The following HGD variants were observed in gnomAD, a reference collection of about 807,000 sequenced individuals.
HGD encodes homogentisate 1,2-dioxygenase.
In HGD, 61 loss-of-function variants were observed where a neutral mutation model predicts 60.8. The ratio of observed to expected loss-of-function variants is 1.00; its 90% CI spans 0.82 to 1.24. The LOEUF is 1.24. HGD is among the 50% of genes most tolerant of loss of function. HGD has a pLI of 0.00. For synonymous variants in HGD, 212 were observed against 187.7 expected, an observed-to-expected ratio of 1.13 and a Z score of -1.06; for missense variants, 542 against 547.1, an observed-to-expected ratio of 0.99 and a Z score of 0.09.
In HGD at chr3:120,679,661, G is replaced by A. The variant is rs1221809268; in HGVS notation, c.15+2436C>T. 3.3e-5 allele frequency among the ~76,000 whole-genome samples: 5 copies of A among 152,178 alleles called. No homozygotes were observed. The South Asian group carries it at 8.3e-4, about 25-fold the overall frequency. Reference sequence around the variant, plus strand: ...AGGCAAAGGGAGATTTGACTTATAAGAGGAGAAAATGTGACGTGATTACAA... The same window carrying A: ...AGGCAAAGGGAGATTTGACTTATAAAAGGAGAAAATGTGACGTGATTACAA... On this transcript the variant is annotated intron_variant, in intron 1 of 13. Coordinates refer to ENST00000283871, the MANE Select transcript of HGD (RefSeq NM_000187.4).
At chr3:120,681,622 A>C (rs1472285062) in intron 1 of HGD, among the ~76,000 whole-genome samples, 1 of 152,212 alleles carries the variant, frequency 6.6e-6, no homozygotes, top group Non-Finnish European at 1.5e-5. Flanking sequence ...TCAATTGCGT[A>C]TTACTAAAAA....
rs1336077463 is a variant in HGD at position 120,647,858 on chromosome 3, T to C, written c.469+19A>G. 8.8e-6 allele frequency: 14 copies of C among 1,599,686 alleles called. No individual in the cohort carries two copies. Among genetic ancestry groups the C allele is most frequent in the African/African-American group, 4.0e-5 (3 of 74,638 alleles). ...GGGGTCAATTAACAGTGAGGGGGTC[T>C]GAAGTCTTCAGAACTCACCAATCAA... On this transcript the variant is annotated intron_variant, in intron 7 of 13. Coordinates refer to ENST00000283871, the MANE Select transcript of HGD (RefSeq NM_000187.4).
intron 4 of HGD, among the ~76,000 whole-genome samples, chr3:120,655,546 A>G (rs1941470643): frequency 1.3e-5 from 2 of 152,228 alleles, no homozygotes. Flanking sequence ...GGTGGTTCTG[A>G]TAAACTCAGT....
At chr3:120,639,185 T>C (rs187187171) in intron 11 of HGD, among the ~76,000 whole-genome samples, 1 of 152,296 alleles carries the variant, frequency 6.6e-6, no homozygotes, top group East Asian at 1.9e-4. Context: ...GAGCATAGTA[T>C]CCAATAGGTA....
intron 4 of HGD, among the ~76,000 whole-genome samples, chr3:120,665,502 A>G (rs1707878475): frequency 6.6e-6 from 1 of 152,256 alleles, no homozygotes; most frequent in Non-Finnish European, 1.5e-5. Flanking sequence ...AGACTTCAGA[A>G]ATTAGAGGCA....
At chr3:120,659,278 A>T (rs561616815) in intron 4 of HGD, among the ~76,000 whole-genome samples, 1 of 152,160 alleles carries the variant, frequency 6.6e-6, no homozygotes. Context: ...TTAAGTTCCA[A>T]CTTCAGGTCA....
chr3:120,663,050 C>T (rs1222059219), intron 4 of HGD, among the ~76,000 whole-genome samples: 1 of 152,076 alleles, frequency 6.6e-6, no homozygotes, highest in Admixed American at 6.6e-5. Flanking sequence ...AGCAACCCTG[C>T]CGATACCTCA....
chr3:120,632,903 T>C (rs1332117098), intron 13 of HGD, among the ~76,000 whole-genome samples: 4 of 152,182 alleles, frequency 2.6e-5, no homozygotes, highest in Admixed American at 1.3e-4. Flanking sequence ...AACTAAGAGA[T>C]GGGACTTAAA....
At position 120,657,348 on chromosome 3, in the gene HGD, G is replaced by A. The variant is rs1941528000; in HGVS notation, c.283-4697C>T. On this transcript the variant is annotated intron_variant, in intron 4 of 13. Transcript: ENST00000283871. ...CAAAATTCATGCTCAGAGATGAAAA[G>A]AAAATATTAGATAATTGGCCTAAAT... Among the ~76,000 whole-genome samples the A allele has an allele frequency of 2.0e-5, 3 of 152,284 alleles. No individual in the cohort carries two copies. In the South Asian group the frequency reaches 6.2e-4, roughly 32 times the overall value.
chr3:120,646,500 G>T, intron 8 of HGD, 134 bp from the exon 9 acceptor site: 1 of 679,168 alleles, frequency 1.5e-6, no homozygotes. Flanking sequence ...GAGGTGACCA[G>T]AGCAAACATG....
Position 120,630,798 on chromosome 3 carries a change from TTATATATA to T in HGD, c.1189-2277_1189-2270del, listed in dbSNP as rs61375071. 4.5e-3 allele frequency among the ~76,000 whole-genome samples: 394 copies of T among 88,004 alleles called. 6 individuals carry two copies. The highest frequency in any genetic ancestry group is 0.021 in the African/African-American group (338 of 16,062). The allele number at this position is 88,004 out of a possible 152,430, so 57.7% of individuals were successfully genotyped here. ...ATGGATCTAATTAAACTTAAGAGCT[TTATATATA>T]TATATATATATATATATATACACAT... On this transcript the variant is annotated intron_variant, in intron 13 of 13. Transcript: ENST00000283871.
intron 10 of HGD, 86 bp from the exon 11 acceptor site, chr3:120,641,779 CTCT>C: frequency 1.1e-6 from 1 of 872,202 alleles, no homozygotes; most frequent in East Asian, 2.4e-5. Flanking sequence ...GTATACCTCT[CTCT>C]TCTTTTGATT....
At chr3:120,663,268 A>T (rs1272362708) in intron 4 of HGD, among the ~76,000 whole-genome samples, 1 of 152,060 alleles carries the variant, frequency 6.6e-6, no homozygotes, top group Non-Finnish European at 1.5e-5. Flanking sequence ...CTCAGAGGGG[A>T]GATGATGACA....
chr3:120,633,607 C>T, intron 12 of HGD: 1 of 1,383,826 alleles, frequency 7.2e-7, no homozygotes, highest in Admixed American at 2.2e-5. Flanking sequence ...AAAATCAGGG[C>T]CCAGAGAAGA....
intron 2 of HGD, 102 bp downstream of exon 2, chr3:120,675,690 G>T: frequency 2.4e-6 from 2 of 841,766 alleles, no homozygotes; most frequent in Non-Finnish European, 2.1e-6. Context: ...CAGTTCACAG[G>T]CTAGATTGGA....
At chr3:120,657,019 C>A (rs2107528197) in intron 4 of HGD, among the ~76,000 whole-genome samples, 1 of 152,284 alleles carries the variant, frequency 6.6e-6, no homozygotes, top group East Asian at 1.9e-4. Flanking sequence ...TTCTGTAGAT[C>A]ACTTCTGTAT....
chr3:120,650,844 C>T lies in HGD; in HGVS notation c.364G>A (p.Ala122Thr). 1 of 1,613,962 alleles carries T rather than the reference C, an allele frequency of 6.2e-7. No homozygotes were observed. The highest frequency in any genetic ancestry group is 1.3e-5 in the African/African-American group (1 of 75,046). Residue 122 changes from alanine (A) to threonine (T), a missense_variant, in exon 6 of 14, where the codon GCT (alanine) becomes ACT (threonine). Physicochemically the swap from Ala to Thr is moderately conservative, Grantham distance 58. Around this residue, in one of 2 missense-constraint regions of HGD, gnomAD observed 537 missense variants for 529.1 expected, o/e 1.01. Coordinates refer to ENST00000283871, the MANE Select transcript of HGD (RefSeq NM_000187.4). ...FVSGLHTLCG[A>T]GDIKSNNGLA... ...CCATTGTTAGACTTTATGTCTCCAG[C>T]TCCACACAAGGTATGCAGGCCCTGG...
chr3:120,639,025 T>C (rs1033047346), intron 11 of HGD, among the ~76,000 whole-genome samples: 8 of 152,204 alleles, frequency 5.3e-5, no homozygotes, highest in Non-Finnish European at 2.9e-5. Context: ...TTGCTCCTCC[T>C]TCGCCTTCCA....
At chr3:120,663,100 G>A (rs902680607) in intron 4 of HGD, among the ~76,000 whole-genome samples, 5 of 152,118 alleles carry the variant, frequency 3.3e-5, no homozygotes, top group Non-Finnish European at 7.4e-5. Flanking sequence ...AATCTCTTTT[G>A]CTTAAGCCAC....
Sources: gnomAD v4.1 joint callset for allele counts (sites outside exome capture counted in the v4.1 genomes callset) on GRCh38, gnomAD v4.1.1 for gene constraint, gnomAD v4.1.1 regional missense constraint, MANE v1.5 for transcripts, NCBI Gene and HGNC (gene_info 2026-07-23, HGNC 2026-07-21) for gene names.